SPTLC2: variants seen among roughly 807,000 people sequenced by gnomAD.
SPTLC2 encodes serine palmitoyltransferase long chain base subunit 2.
SPTLC2 carries 21 observed loss-of-function variants against 62.0 expected under a neutral mutation model. The observed-to-expected ratio is 0.34, with a 90% CI of 0.24 to 0.49. The LOEUF is 0.49. SPTLC2 is among the 20% of genes least tolerant of loss of function. The pLI, the probability that SPTLC2 is intolerant of heterozygous loss-of-function variation, is 0.99. For missense variants in SPTLC2, 511 were observed against 713.0 expected, an observed-to-expected ratio of 0.72 and a Z score of 3.23; for synonymous variants, 261 against 261.8, an observed-to-expected ratio of 1.00 and a Z score of 0.03.
At chr14:77,528,698 C>T (rs28676801) in intron 9 of SPTLC2, among the ~76,000 whole-genome samples, 38,105 of 152,142 alleles carry the variant, frequency 0.25, 4,806 homozygotes, top group East Asian at 0.31. Context: ...TACTACCCAT[C>T]ATCTAGCTCT....
chr14:77,574,414 G>A (rs4903611), intron 4 of SPTLC2, among the ~76,000 whole-genome samples: 144,672 of 152,330 alleles, frequency 0.95, 69,171 homozygotes, highest in East Asian at 1. Context: ...AAAACAGTAC[G>A]GTCTCTTTGG....
chr14:77,552,460 G>A (rs1291800510), intron 8 of SPTLC2, among the ~76,000 whole-genome samples: 2 of 152,188 alleles, frequency 1.3e-5, no homozygotes, highest in Non-Finnish European at 1.5e-5. Flanking sequence ...CAACATAAGA[G>A]AAAAACTAGT....
In SPTLC2 at chr14:77,597,392, G is replaced by C; in HGVS notation, c.133-12C>G. On this transcript the variant is annotated splice_polypyrimidine_tract_variant and intron_variant, in intron 1 of 11. Coordinates refer to ENST00000216484, the MANE Select transcript of SPTLC2 (RefSeq NM_004863.4). ...GTAACATGATGGATCTAAAAGAGAG[G>C]TTAAAAATGTTTATTTCCATCATGG... is the stretch of plus-strand genomic sequence containing the variant. 4 of 1,608,374 alleles carry C rather than the reference G, an allele frequency of 2.5e-6. No individual in the cohort carries two copies. Among genetic ancestry groups the C allele is most frequent in the Non-Finnish European group, 3.4e-6 (4 of 1,174,864 alleles).
intron 6 of SPTLC2, 49 bp from the exon 7 acceptor site, chr14:77,557,195 A>C: frequency 6.8e-7 from 1 of 1,466,650 alleles, no homozygotes; most frequent in South Asian, 1.1e-5. Context: ...CTCTTTCCTA[A>C]CTTTATTCCG....
At chr14:77,557,246 A>G (rs555570544) in intron 6 of SPTLC2, 100 bp from the exon 7 acceptor site, 7 of 1,050,544 alleles carry the variant, frequency 6.7e-6, no homozygotes, top group African/African-American at 6.3e-5. Flanking sequence ...ACCATGCCTC[A>G]GATAGCAAAG....
At chr14:77,609,895 A>T (rs1475068718) in intron 1 of SPTLC2, among the ~76,000 whole-genome samples, 1 of 152,164 alleles carries the variant, frequency 6.6e-6, no homozygotes, top group Non-Finnish European at 1.5e-5. Context: ...CAATCAATCA[A>T]CAATGCTGCT....
chr14:77,574,456 AC>A (rs2140037395), intron 4 of SPTLC2, among the ~76,000 whole-genome samples: 1 of 152,354 alleles, frequency 6.6e-6, no homozygotes, highest in South Asian at 2.1e-4. Context: ...AAAAAGTCAA[AC>A]ACAGAGTTAC....
At chr14:77,540,369 T>C (rs1412043551) in intron 9 of SPTLC2, among the ~76,000 whole-genome samples, 2 of 152,172 alleles carry the variant, frequency 1.3e-5, no homozygotes, top group African/African-American at 2.4e-5. Context: ...ACATTCTCAA[T>C]TAGCTGTGCA....
intron 1 of SPTLC2, among the ~76,000 whole-genome samples, chr14:77,609,515 T>C (rs903413504): frequency 2.0e-5 from 3 of 152,132 alleles, no homozygotes; most frequent in Non-Finnish European, 4.4e-5. Context: ...AGCGGATGGA[T>C]CACTTAGGTC....
chr14:77,527,140 A>G (rs1222666406), intron 9 of SPTLC2, among the ~76,000 whole-genome samples: 1 of 149,648 alleles, frequency 6.7e-6, no homozygotes, highest in South Asian at 2.1e-4. Flanking sequence ...TCTGTTGCCC[A>G]GGCTGCAGTG....
At chr14:77,555,225 TC>T in intron 8 of SPTLC2, 74 bp downstream of exon 8, 1 of 1,583,260 alleles carries the variant, frequency 6.3e-7, no homozygotes, top group South Asian at 1.1e-5. Context: ...CAGGGCCCCA[TC>T]TGCTAGGCCT....
chr14:77,614,548 C>G (rs1332413448), intron 1 of SPTLC2, among the ~76,000 whole-genome samples: 1 of 151,940 alleles, frequency 6.6e-6, no homozygotes, highest in Admixed American at 6.6e-5. Flanking sequence ...CCTGTAGGCC[C>G]AGCTACTTGG....
At chr14:77,521,703 C>A (rs572643071) in intron 9 of SPTLC2, 122 bp from the exon 10 acceptor site, 13 of 888,916 alleles carry the variant, frequency 1.5e-5, no homozygotes, top group African/African-American at 1.2e-4. Context: ...TTCCATTTCA[C>A]CATAAAATAT....
chr14:77,516,753 A>C (rs2079361428), intron 11 of SPTLC2, among the ~76,000 whole-genome samples: 1 of 152,210 alleles, frequency 6.6e-6, no homozygotes, highest in Non-Finnish European at 1.5e-5. Context: ...GACATGGAAA[A>C]ATTTGTTAAG....
chr14:77,525,480 C>T (rs1461439809), intron 9 of SPTLC2, among the ~76,000 whole-genome samples: 1 of 151,990 alleles, frequency 6.6e-6, no homozygotes, highest in African/African-American at 2.4e-5. Context: ...ATCCCAGCTA[C>T]TCAGGAGGCT....
At chr14:77,531,463 T>TCCTCCTCCTCCTCCTCCTCCC (rs1228864711) in intron 9 of SPTLC2, among the ~76,000 whole-genome samples, 1 of 121,194 alleles carries the variant, frequency 8.3e-6, no homozygotes, top group Non-Finnish European at 1.7e-5. Flanking sequence ...CTCCTCCTCC[T>TCCTCCTCCTCCTCCTCCTCCC]CCTCCTCCTC....
At chr14:77,597,094 C>T (rs1353073725) in intron 2 of SPTLC2, 92 bp downstream of exon 2, 13 of 1,290,496 alleles carry the variant, frequency 1.0e-5, no homozygotes, top group Non-Finnish European at 9.8e-6. Flanking sequence ...TTAATGTGTA[C>T]CCAAATTTCT....
intron 3 of SPTLC2, 85 bp from the exon 4 acceptor site, chr14:77,577,000 G>A: frequency 6.8e-7 from 1 of 1,464,290 alleles, no homozygotes; most frequent in African/African-American, 1.4e-5. Flanking sequence ...GACACAAAAG[G>A]AAGCAGAGAG....
intron 6 of SPTLC2, among the ~76,000 whole-genome samples, chr14:77,557,642 A>C (rs2079591985): frequency 6.6e-6 from 1 of 152,248 alleles, no homozygotes. Context: ...CCTTTCACCC[A>C]GGACGTACTC....
Sources: gnomAD v4.1 joint callset for allele counts (sites outside exome capture counted in the v4.1 genomes callset) on GRCh38, gnomAD v4.1.1 for gene constraint, MANE v1.5 for transcripts, NCBI Gene and HGNC (gene_info 2026-07-23, HGNC 2026-07-21) for gene names.